ARHGAP24: variants seen among roughly 807,000 people sequenced by gnomAD.
The protein encoded by ARHGAP24 is Rho GTPase activating protein 24.
In ARHGAP24, 50 loss-of-function variants were observed where a neutral mutation model predicts 76.4. That is an observed-to-expected ratio of 0.65 (90% CI 0.52 to 0.83). ARHGAP24 has a LOEUF of 0.83. Ranked by LOEUF, ARHGAP24 falls within the 40% of genes least tolerant of loss-of-function variation. The pLI is 0.00. For missense variants in ARHGAP24, 930 were observed against 914.2 expected, an observed-to-expected ratio of 1.02 and a Z score of -0.22; for synonymous variants, 345 against 323.3, an observed-to-expected ratio of 1.07 and a Z score of -0.72.
intron 3 of ARHGAP24, among the ~76,000 whole-genome samples, chr4:85,782,008 A>G (rs939621950): frequency 1.3e-4 from 19 of 149,728 alleles, no homozygotes; most frequent in African/African-American, 4.2e-4. Context: ...CTGCACTCCA[A>G]TATGGGCAAC....
At chr4:85,613,292 CA>C (rs778229769) in intron 2 of ARHGAP24, among the ~76,000 whole-genome samples, 5 of 151,960 alleles carry the variant, frequency 3.3e-5, no homozygotes, top group Non-Finnish European at 7.4e-5. Flanking sequence ...GAATTTTATC[CA>C]TGTTGATTAA....
intron 8 of ARHGAP24, among the ~76,000 whole-genome samples, chr4:85,993,592 A>C (rs1028699069): frequency 6.6e-6 from 1 of 152,182 alleles, no homozygotes; most frequent in African/African-American, 2.4e-5. Flanking sequence ...ACAGCCTCTC[A>C]ATTAGCTGCT....
chr4:85,587,705 G>T (rs1169680567), intron 2 of ARHGAP24, among the ~76,000 whole-genome samples: 1 of 152,042 alleles, frequency 6.6e-6, no homozygotes, highest in Admixed American at 6.6e-5. Context: ...TCAATCCCTT[G>T]GACTTGATAG....
At chr4:85,765,226 C>A (rs898390397) in intron 3 of ARHGAP24, among the ~76,000 whole-genome samples, 1 of 151,980 alleles carries the variant, frequency 6.6e-6, no homozygotes, top group South Asian at 2.1e-4. Flanking sequence ...TATGTTTTAA[C>A]GTAATATGGT....
chr4:85,621,092 G>A (rs2110003343), intron 2 of ARHGAP24, among the ~76,000 whole-genome samples: 1 of 152,152 alleles, frequency 6.6e-6, no homozygotes, highest in South Asian at 2.1e-4. Context: ...CTATGTTACT[G>A]CAAAGGACCT....
intron 3 of ARHGAP24, among the ~76,000 whole-genome samples, chr4:85,740,951 C>A (rs1355164877): frequency 2.6e-5 from 4 of 152,154 alleles, no homozygotes; most frequent in African/African-American, 9.7e-5. Flanking sequence ...CTATTGTATT[C>A]TTTAATTTAA....
At chr4:85,719,023 C>T (rs7686507) in intron 2 of ARHGAP24, among the ~76,000 whole-genome samples, 7,291 of 152,208 alleles carry the variant, frequency 0.048, 190 homozygotes, top group Middle Eastern at 0.12. Context: ...CACAAATACA[C>T]ATGTGGATAA....
intron 2 of ARHGAP24, among the ~76,000 whole-genome samples, chr4:85,720,016 A>G (rs1304362767): frequency 1.3e-5 from 2 of 151,986 alleles, no homozygotes; most frequent in Non-Finnish European, 2.9e-5. Context: ...AGCAGAAACA[A>G]AAAAACCAAA....
chr4:85,700,752 ACT>A (rs1478880979), intron 2 of ARHGAP24, among the ~76,000 whole-genome samples: 1 of 152,024 alleles, frequency 6.6e-6, no homozygotes, highest in Non-Finnish European at 1.5e-5. Flanking sequence ...CACTAAAAAG[ACT>A]CTTTTATTAT....
chr4:85,655,782 T>TATAC (rs1722121976), intron 2 of ARHGAP24, among the ~76,000 whole-genome samples: 1 of 30,600 alleles, frequency 3.3e-5, no homozygotes, highest in Non-Finnish European at 6.0e-5. Flanking sequence ...TATATATATA[T>TATAC]ATATATATAT....
chr4:85,518,059 A>G (rs1210241428), intron 1 of ARHGAP24, among the ~76,000 whole-genome samples: 1 of 152,156 alleles, frequency 6.6e-6, no homozygotes, highest in Non-Finnish European at 1.5e-5. Flanking sequence ...ATCTAAGGCC[A>G]TTGAAGTTAG....
intron 3 of ARHGAP24, among the ~76,000 whole-genome samples, chr4:85,723,104 T>A (rs1725017463): frequency 6.6e-6 from 1 of 152,212 alleles, no homozygotes; most frequent in Non-Finnish European, 1.5e-5. Flanking sequence ...AATCCTTTTA[T>A]TCTTACTTCT....
At chr4:85,488,034 T>C (rs910690266) in intron 1 of ARHGAP24, among the ~76,000 whole-genome samples, 2 of 149,846 alleles carry the variant, frequency 1.3e-5, no homozygotes, top group African/African-American at 2.5e-5. Flanking sequence ...TCCTCCTGAG[T>C]AGCTGGGGAC....
intron 1 of ARHGAP24, among the ~76,000 whole-genome samples, chr4:85,485,411 A>G (rs1458434819): frequency 1.0e-5 from 1 of 97,822 alleles, no homozygotes; most frequent in Non-Finnish European, 1.9e-5. Context: ...ATATATATAT[A>G]TATCTCCTTG....
chr4:85,594,475 C>G (rs544433992), intron 2 of ARHGAP24, among the ~76,000 whole-genome samples: 86 of 152,106 alleles, frequency 5.7e-4, no homozygotes, highest in African/African-American at 2.0e-3. Flanking sequence ...ACTAGGACTT[C>G]CAGAACTTTG....
At chr4:85,710,814 G>T (rs562593316) in intron 2 of ARHGAP24, among the ~76,000 whole-genome samples, 4 of 151,968 alleles carry the variant, frequency 2.6e-5, no homozygotes, top group African/African-American at 9.7e-5. Flanking sequence ...AAAATAACAG[G>T]TGCTGACGAG....
intron 3 of ARHGAP24, among the ~76,000 whole-genome samples, chr4:85,884,643 A>G (rs924889047): frequency 5.9e-5 from 9 of 152,150 alleles, no homozygotes; most frequent in African/African-American, 2.2e-4. Context: ...CACTTCCTAC[A>G]AACACTCCTG....
intron 3 of ARHGAP24, among the ~76,000 whole-genome samples, chr4:85,914,525 G>A (rs1735262007): frequency 6.6e-6 from 1 of 152,132 alleles, no homozygotes; most frequent in Non-Finnish European, 1.5e-5. Flanking sequence ...AAGTAACCCT[G>A]CAATAGAGGG....
chr4:85,676,689 C>G (rs1418684885), intron 2 of ARHGAP24, among the ~76,000 whole-genome samples: 1 of 152,018 alleles, frequency 6.6e-6, no homozygotes, highest in African/African-American at 2.4e-5. Flanking sequence ...TTGGGAAGAG[C>G]AAGGAAAAGG....
Sources: allele counts gnomAD v4.1 joint callset (sites outside exome capture counted in the v4.1 genomes callset), GRCh38; gene constraint gnomAD v4.1.1; transcripts MANE v1.5; gene names NCBI Gene and HGNC (gene_info 2026-07-23, HGNC 2026-07-21).